The following BACE2 variants were observed in gnomAD, a reference collection of about 807,000 sequenced individuals.
BACE2 encodes 56 kDa aspartic-like protease.
Under a neutral mutation model 46.2 loss-of-function variants are expected in BACE2, and 17 were observed. That is an observed-to-expected ratio of 0.37 (90% CI 0.25 to 0.55). The LOEUF is 0.55. Among genes scored for constraint, BACE2 ranks in the 20% least tolerant of loss-of-function variants. The pLI, the probability that BACE2 is intolerant of heterozygous loss-of-function variation, is 0.82. For synonymous variants in BACE2, 277 were observed against 295.9 expected, an observed-to-expected ratio of 0.94 and a Z score of 0.66; for missense variants, 595 against 698.1, an observed-to-expected ratio of 0.85 and a Z score of 1.66.
chr21:41,228,579 A>C (rs1290188703), intron 2 of BACE2, among the ~76,000 whole-genome samples: 5 of 152,136 alleles, frequency 3.3e-5, no homozygotes, highest in Non-Finnish European at 7.3e-5. Context: ...TAGGGGAAGG[A>C]CGTGCCAGAC....
At chr21:41,248,361 C>T (rs1441302761) in intron 6 of BACE2, among the ~76,000 whole-genome samples, 1 of 152,226 alleles carries the variant, frequency 6.6e-6, no homozygotes, top group Admixed American at 6.5e-5. Context: ...AGTCCCACAT[C>T]CGAATCTGAG....
intron 1 of BACE2, among the ~76,000 whole-genome samples, chr21:41,188,810 C>G (rs1362012625): frequency 1.3e-5 from 2 of 152,204 alleles, no homozygotes; most frequent in African/African-American, 4.8e-5. Context: ...AGCCTCTCCA[C>G]AGGGTCCTGC....
At chr21:41,200,109 C>T (rs902313931) in intron 1 of BACE2, among the ~76,000 whole-genome samples, 2 of 151,026 alleles carry the variant, frequency 1.3e-5, no homozygotes, top group South Asian at 2.1e-4. Flanking sequence ...TTGATGGGTG[C>T]AGCACACCAA....
chr21:41,203,090 A>G (rs1197300192), intron 1 of BACE2, among the ~76,000 whole-genome samples: 1 of 152,202 alleles, frequency 6.6e-6, no homozygotes, highest in Non-Finnish European at 1.5e-5. Context: ...CAGTAGGTGC[A>G]ACAGTCACCA....
At chr21:41,254,151 C>T (rs1040263558) in intron 7 of BACE2, among the ~76,000 whole-genome samples, 12 of 152,308 alleles carry the variant, frequency 7.9e-5, no homozygotes, top group Middle Eastern at 3.4e-3. Context: ...AGAGTCAATT[C>T]GAAAGCAATT....
At chr21:41,191,199 C>T (rs1421681660) in intron 1 of BACE2, among the ~76,000 whole-genome samples, 1 of 152,160 alleles carries the variant, frequency 6.6e-6, no homozygotes, top group Non-Finnish European at 1.5e-5. Flanking sequence ...CCCAGGCATG[C>T]AAAGTATTGT....
intron 2 of BACE2, among the ~76,000 whole-genome samples, chr21:41,233,075 A>G (rs1022758257): frequency 2.6e-5 from 4 of 152,022 alleles, no homozygotes; most frequent in African/African-American, 9.7e-5. Context: ...TCACCGTGTT[A>G]GCCAGGATAG....
intron 1 of BACE2, chr21:41,182,672 C>CCAAT (rs1443863466): frequency 6.0e-6 from 1 of 167,070 alleles, no homozygotes; most frequent in African/African-American, 2.4e-5. Flanking sequence ...AGTTCAAGGG[C>CCAAT]CAATGAGTGC....
chr21:41,256,934 G>A (rs1601314576), intron 7 of BACE2, among the ~76,000 whole-genome samples: 1 of 152,148 alleles, frequency 6.6e-6, no homozygotes, highest in African/African-American at 2.4e-5. Context: ...GTAACTCCAG[G>A]TGGTGCATGT....
At chr21:41,170,470 C>G (rs147050691) in intron 1 of BACE2, among the ~76,000 whole-genome samples, 1 of 152,292 alleles carries the variant, frequency 6.6e-6, no homozygotes, top group Non-Finnish European at 1.5e-5. Context: ...CTGTACCTCC[C>G]TCCTGGCTTG....
chr21:41,170,783 A>G (rs1332963111), intron 1 of BACE2, among the ~76,000 whole-genome samples: 1 of 152,246 alleles, frequency 6.6e-6, no homozygotes, highest in East Asian at 1.9e-4. Flanking sequence ...TCAAGCAATA[A>G]ATAACCAAGA....
At chr21:41,198,576 CT>C (rs1301239250) in intron 1 of BACE2, among the ~76,000 whole-genome samples, 1 of 152,172 alleles carries the variant, frequency 6.6e-6, no homozygotes, top group Non-Finnish European at 1.5e-5. Flanking sequence ...ATTGAACAAT[CT>C]TTTTAAAGCA....
At chr21:41,210,925 G>A (rs552367712) in intron 1 of BACE2, among the ~76,000 whole-genome samples, 16 of 152,222 alleles carry the variant, frequency 1.1e-4, no homozygotes, top group South Asian at 1.0e-3. Context: ...CCCATTCAGC[G>A]TAAAGCTCCT....
chr21:41,276,099 A>G lies in BACE2; in HGVS notation c.*475A>G, dbSNP rs1020822556. 5.6e-5 allele frequency: 9 copies of G among 162,040 alleles called. No homozygotes were observed. Among genetic ancestry groups the G allele is most frequent in the Admixed American group, 4.6e-4 (8 of 17,456 alleles). The allele number at this position is 162,040 out of a possible 1,614,324, so 10.0% of individuals were successfully genotyped here. ...GTCAAAGTGGTACAGGAAGGCTTGC[A>G]GTATGATGGCAGGAGAATCAGCCTG... On this transcript the variant is annotated 3_prime_UTR_variant, in exon 9 of 9. Transcript: ENST00000330333.
chr21:41,245,919 C>T (rs1029437067), intron 5 of BACE2, 43 bp from the exon 6 acceptor site: 2 of 1,488,758 alleles, frequency 1.3e-6, no homozygotes, highest in Non-Finnish European at 9.2e-7. Context: ...GCGGGGAGCG[C>T]CACTGTCACT....
At chr21:41,180,307 G>C (rs1985066768) in intron 1 of BACE2, 1 of 175,558 alleles carries the variant, frequency 5.7e-6, no homozygotes, top group African/African-American at 2.4e-5. Context: ...CACTTCCAGA[G>C]TTGAGTCCCA....
At chr21:41,272,052 C>A (rs1445038502) in intron 8 of BACE2, among the ~76,000 whole-genome samples, 1 of 151,516 alleles carries the variant, frequency 6.6e-6, no homozygotes, top group Non-Finnish European at 1.5e-5. Context: ...ATTTTTATTT[C>A]TTCTTCATTT....
rs369929855 is a variant in BACE2, at chr21:41,189,251, C to T, written c.312+20676C>T. Among the ~76,000 whole-genome samples, 30 of 151,786 alleles carry T rather than the reference C, an allele frequency of 2.0e-4. No homozygotes were observed. The East Asian group carries it at 4.1e-3, about 21-fold the overall frequency. On this transcript the variant is annotated intron_variant, in intron 1 of 8. Coordinates refer to ENST00000330333, the MANE Select transcript of BACE2 (RefSeq NM_012105.5). ...ATCTTTTCAGTCTAGAAACTCATAA[C>T]GTTCATGTCTGAGAAATTGTCTAGT... is the stretch of plus-strand genomic sequence containing the variant.
intron 8 of BACE2, among the ~76,000 whole-genome samples, chr21:41,269,047 C>T (rs1482770893): frequency 6.6e-6 from 1 of 152,078 alleles, no homozygotes; most frequent in African/African-American, 2.4e-5. Flanking sequence ...CTCTGCCTCC[C>T]GGGTTCAAGG....
Sources: gnomAD v4.1 joint callset for allele counts (sites outside exome capture counted in the v4.1 genomes callset) on GRCh38, gnomAD v4.1.1 for gene constraint, MANE v1.5 for transcripts, NCBI Gene and HGNC (gene_info 2026-07-23, HGNC 2026-07-21) for gene names.